COLGALT2: variants seen among roughly 807,000 people sequenced by gnomAD.
COLGALT2 encodes the protein procollagen galactosyltransferase 2.
A neutral mutation model predicts 73.4 loss-of-function variants in COLGALT2; 49 were observed. The observed-to-expected ratio is 0.67, with a 90% CI of 0.53 to 0.85. The LOEUF is 0.85. Among genes scored for constraint, COLGALT2 ranks in the 40% least tolerant of loss-of-function variants. The probability of loss-of-function intolerance (pLI) is 0.00; values close to 1 mark genes in which losing one functional copy is unlikely to be tolerated. For missense variants in COLGALT2, 722 were observed against 790.2 expected (o/e 0.91, Z 1.03); for synonymous variants, 295 against 307.6 (o/e 0.96, Z 0.43).
intron 1 of COLGALT2, among the ~76,000 whole-genome samples, chr1:183,990,752 C>G (rs144869448): frequency 6.6e-6 from 1 of 152,146 alleles, no homozygotes; most frequent in African/African-American, 2.4e-5. Flanking sequence ...TGGAACTCCA[C>G]GTAAATTTGT....
chr1:183,983,018 C>T (rs75371740), intron 1 of COLGALT2, among the ~76,000 whole-genome samples: 2,055 of 152,344 alleles, frequency 0.013, 43 homozygotes, highest in African/African-American at 0.045. Context: ...TCCTGATGAA[C>T]ATCCTTAGAA....
At chr1:183,990,407 T>C (rs1671599926) in intron 1 of COLGALT2, among the ~76,000 whole-genome samples, 1 of 152,230 alleles carries the variant, frequency 6.6e-6, no homozygotes, top group South Asian at 2.1e-4. Flanking sequence ...GTGCCGGTGA[T>C]CGTGGCACTT....
chr1:183,964,959 T>C lies in COLGALT2; in HGVS notation c.833-939A>G, dbSNP rs529017569. On this transcript the variant is annotated intron_variant, in intron 5 of 11. Coordinates refer to ENST00000361927, the MANE Select transcript of COLGALT2 (RefSeq NM_015101.4). ...TTTTCCAGAGAGATAATTATCTGCA[T>C]AGGGACTCCTCTATTTTGTGCAGAT... is the stretch of plus-strand genomic sequence containing the variant. Among the ~76,000 whole-genome samples, 7 of 152,338 alleles carry C rather than the reference T, an allele frequency of 4.6e-5. No homozygotes were observed. In the South Asian group the frequency reaches 1.0e-3, roughly 23 times the overall value.
chr1:184,032,082 T>C (rs569575147), intron 1 of COLGALT2, among the ~76,000 whole-genome samples: 2 of 152,208 alleles, frequency 1.3e-5, no homozygotes, highest in South Asian at 2.1e-4. Context: ...CTTGTAGAGA[T>C]GGAGTTTCAC....
chr1:183,975,124 C>G lies in COLGALT2; in HGVS notation c.465G>C (p.Ala155=). The G allele has an allele frequency of 1.9e-6, 3 of 1,613,702 alleles. No homozygotes were observed. The highest frequency in any genetic ancestry group is 2.5e-6 in the Non-Finnish European group (3 of 1,179,734). Residue 155 remains alanine, a synonymous_variant, in exon 3 of 12, where the codon GCG becomes GCC. Transcript: ENST00000361927. ...MKLRQAALRT[A]REKWSDYILF... ...GAATGTAGTCTGACCATTTTTCCCT[C>G]GCAGTTCGAAGGGCTGCCTGTCGTA...
intron 5 of COLGALT2, among the ~76,000 whole-genome samples, chr1:183,966,316 C>T (rs779173865): frequency 8.5e-5 from 13 of 152,174 alleles, no homozygotes; most frequent in African/African-American, 1.2e-4. Context: ...AAGTGAATTA[C>T]GCTACATTTT....
intron 9 of COLGALT2, among the ~76,000 whole-genome samples, chr1:183,944,774 C>T (rs1670206171): frequency 6.6e-6 from 1 of 152,068 alleles, no homozygotes; most frequent in African/African-American, 2.4e-5. Context: ...GTGAAATTTC[C>T]CTGAGCTGTA....
intron 1 of COLGALT2, among the ~76,000 whole-genome samples, chr1:183,991,276 G>T (rs1671621721): frequency 6.6e-6 from 1 of 151,894 alleles, no homozygotes; most frequent in African/African-American, 2.4e-5. Context: ...ATTTATTAAG[G>T]GTCTATTACT....
chr1:183,951,537 G>A (rs1670402388), intron 7 of COLGALT2, among the ~76,000 whole-genome samples: 1 of 152,068 alleles, frequency 6.6e-6, no homozygotes, highest in African/African-American at 2.4e-5. Flanking sequence ...AAAATCATTA[G>A]CATTTATATA....
In COLGALT2 at chr1:183,944,905, G is replaced by A. The variant is rs184451797; in HGVS notation, c.1269+527C>T. ...AGTGTTCAAGGGGCCTTTCTTCAGGGACTTTCTTTTTGGTTGTGGAAACTG... is the reference window on the plus strand; with the variant it reads ...AGTGTTCAAGGGGCCTTTCTTCAGGAACTTTCTTTTTGGTTGTGGAAACTG... On this transcript the variant is annotated intron_variant, in intron 9 of 11. Transcript: ENST00000361927. 7.9e-4 allele frequency among the ~76,000 whole-genome samples: 120 copies of A among 152,258 alleles called. No homozygotes were observed. In the Middle Eastern group the frequency reaches 0.017, roughly 22 times the overall value.
intron 1 of COLGALT2, among the ~76,000 whole-genome samples, chr1:183,985,365 C>T (rs189368695): frequency 1.9e-4 from 29 of 152,302 alleles, no homozygotes; most frequent in Non-Finnish European, 3.8e-4. Flanking sequence ...CTCCACCTCC[C>T]GGGTTCAAGT....
At chr1:183,978,169 A>G (rs1671256881) in intron 2 of COLGALT2, among the ~76,000 whole-genome samples, 1 of 152,238 alleles carries the variant, frequency 6.6e-6, no homozygotes, top group South Asian at 2.1e-4. Flanking sequence ...ATAAACTGTC[A>G]TGGCAATTTA....
chr1:183,944,690 G>C lies in COLGALT2; in HGVS notation c.1270-367C>G, dbSNP rs149184404. Among the ~76,000 whole-genome samples, 50 of 152,252 alleles carry C rather than the reference G, an allele frequency of 3.3e-4. No individual in the cohort carries two copies. The East Asian group carries it at 7.5e-3, about 23-fold the overall frequency. On this transcript the variant is annotated intron_variant, in intron 9 of 11. Coordinates refer to ENST00000361927, the MANE Select transcript of COLGALT2 (RefSeq NM_015101.4). ...ATGACCAGAAGGCAGTACGGGGTGG[G>C]GGGGTGCTTGTGGGATGCTGGTTAC...
chr1:183,950,572 T>C (rs1315646140), intron 8 of COLGALT2, among the ~76,000 whole-genome samples: 3 of 152,112 alleles, frequency 2.0e-5, no homozygotes, highest in Non-Finnish European at 4.4e-5. Flanking sequence ...CCAGGCAGAT[T>C]GTGGCAGGCA....
intron 8 of COLGALT2, among the ~76,000 whole-genome samples, chr1:183,949,098 A>G (rs1436088027): frequency 2.6e-5 from 4 of 152,314 alleles, no homozygotes; most frequent in Middle Eastern, 3.4e-3. Context: ...TAAATAATAA[A>G]AAGACATTCC....
At chr1:184,003,511 C>G (rs1455117765) in intron 1 of COLGALT2, among the ~76,000 whole-genome samples, 1 of 152,206 alleles carries the variant, frequency 6.6e-6, no homozygotes, top group Non-Finnish European at 1.5e-5. Context: ...CTTCAGATGG[C>G]TGCAGCCTCC....
downstream of COLGALT2, among the ~76,000 whole-genome samples, chr1:183,934,458 C>A (rs1253100048): frequency 2.0e-5 from 3 of 152,162 alleles, no homozygotes; most frequent in Non-Finnish European, 2.9e-5. Context: ...GCCGGTTCCC[C>A]TGAAATAATA....
In COLGALT2 at chr1:183,936,128, GT is replaced by G. The variant is rs1669945952; in HGVS notation, c.*2632del. 2.0e-6 allele frequency: 2 copies of G among 985,594 alleles called. No individual in the cohort carries two copies. Among genetic ancestry groups the G allele is most frequent in the South Asian group, 9.4e-5 (2 of 21,288 alleles). 61.1% of individuals were successfully genotyped at this position (985,594 alleles called of 1,614,324 possible). On this transcript the variant is annotated 3_prime_UTR_variant, in exon 12 of 12. Coordinates refer to ENST00000361927, the MANE Select transcript of COLGALT2 (RefSeq NM_015101.4). ...AGATCCCAAGAGAAATCCAGACAGG[GT>G]TTAGCCTCCAGAGGCAGAGAGCGGG...
intron 2 of COLGALT2, among the ~76,000 whole-genome samples, chr1:183,976,762 G>A (rs1331532700): frequency 6.6e-6 from 1 of 152,116 alleles, no homozygotes; most frequent in Non-Finnish European, 1.5e-5. Context: ...TGCATAGGGG[G>A]AAAATGTTGG....
Sources: allele counts gnomAD v4.1 joint callset (sites outside exome capture counted in the v4.1 genomes callset), GRCh38; gene constraint gnomAD v4.1.1; transcripts MANE v1.5; gene names NCBI Gene and HGNC (gene_info 2026-07-23, HGNC 2026-07-21).